The following USP31 variants were observed in gnomAD, a reference collection of about 807,000 sequenced individuals.
The protein encoded by USP31 is ubiquitin carboxyl-terminal hydrolase 31.
A neutral mutation model predicts 119.4 loss-of-function variants in USP31; 44 were observed. That is an observed-to-expected ratio of 0.37 (90% CI 0.29 to 0.47). USP31 has a LOEUF of 0.47. Ranked by LOEUF, USP31 falls within the 20% of genes least tolerant of loss-of-function variation. The pLI is 0.99. For synonymous variants in USP31, 749 were observed against 705.6 expected (o/e 1.06, Z -0.97); for missense variants, 1,643 against 1,730.2 (o/e 0.95, Z 0.89).
rs368882591 is a variant in USP31 at position 23,092,447 on chromosome 16, G to A, written c.1235-1643C>T. 1.5e-4 allele frequency among the ~76,000 whole-genome samples: 23 copies of A among 152,288 alleles called. No homozygotes were observed. The East Asian group carries it at 2.1e-3, about 14-fold the overall frequency. On this transcript the variant is annotated intron_variant, in intron 6 of 15. Transcript: ENST00000219689. ...GGCCCCAGCTCCAGAGAACTTCACA[G>A]TGTGGTGGGAAGGACAGAGAAGAAA... is the stretch of plus-strand genomic sequence containing the variant.
At chr16:23,096,418 C>G (rs1315467225) in intron 6 of USP31, among the ~76,000 whole-genome samples, 3 of 152,188 alleles carry the variant, frequency 2.0e-5, no homozygotes, top group Non-Finnish European at 4.4e-5. Context: ...CCACTGTCAA[C>G]ATTAGACAGA....
At chr16:23,085,301 G>T (rs2141845904) in intron 10 of USP31, among the ~76,000 whole-genome samples, 1 of 152,168 alleles carries the variant, frequency 6.6e-6, no homozygotes, top group African/African-American at 2.4e-5. Context: ...AGAATTAATG[G>T]GCCTGTAATA....
intron 13 of USP31, among the ~76,000 whole-genome samples, chr16:23,078,310 CAAAAAAA>C (rs34288248): frequency 2.8e-5 from 2 of 71,146 alleles, no homozygotes; most frequent in East Asian, 4.9e-4. Context: ...GACTCCGTCG[CAAAAAAA>C]AAAAAAAAAA....
chr16:23,074,979 A>G lies in USP31; in HGVS notation c.2177-1099T>C, dbSNP rs188434816. 7.6e-4 allele frequency among the ~76,000 whole-genome samples: 116 copies of G among 152,314 alleles called. 2 individuals carry two copies. Among genetic ancestry groups the G allele is most frequent in the Admixed American group, 5.9e-3 (91 of 15,306 alleles). On this transcript the variant is annotated intron_variant, in intron 13 of 15. Coordinates refer to ENST00000219689, the MANE Select transcript of USP31 (RefSeq NM_020718.4). ...CAGGATGGCCCCAGGGATGGGGCAGATAAGGTCCTGAGAGGCACCAGGAGT... is the reference window on the plus strand; with the variant it reads ...CAGGATGGCCCCAGGGATGGGGCAGGTAAGGTCCTGAGAGGCACCAGGAGT...
chr16:23,068,526 C>A lies in USP31; in HGVS notation c.3579G>T (p.Gly1193=). 2 of 1,613,910 alleles carry A rather than the reference C, an allele frequency of 1.2e-6. No individual in the cohort carries two copies. The highest frequency in any genetic ancestry group is 1.7e-6 in the Non-Finnish European group (2 of 1,179,942). The change falls in exon 16 of 16, where the codon GGG becomes GGT. Residue 1193 remains glycine, a synonymous_variant. Coordinates refer to ENST00000219689, the MANE Select transcript of USP31 (RefSeq NM_020718.4). ...QARAGEGRGA[G]KHVRSSSMAS... is the part of the protein sequence containing the mutation. ...CCATGGAGGAGCTCCGCACGTGCTT[C>A]CCGGCCCCCCTGCCCTCCCCTGCTC...
chr16:23,109,569 T>C (rs1329071390), intron 1 of USP31, among the ~76,000 whole-genome samples: 1 of 152,138 alleles, frequency 6.6e-6, no homozygotes, highest in African/African-American at 2.4e-5. Context: ...CCCCTACACC[T>C]TGAATGTGGC....
intron 13 of USP31, among the ~76,000 whole-genome samples, chr16:23,075,883 C>T (rs1596686291): frequency 1.3e-5 from 2 of 152,114 alleles, no homozygotes; most frequent in South Asian, 4.1e-4. Flanking sequence ...ATATGGAGTT[C>T]GAGACCAGTC....
rs191979737 is a variant in USP31, at chr16:23,099,621, G to C, written c.1234+2698C>G. Reference sequence around the variant, plus strand: ...TTATGGGGTAAATCTTTATGACTTTGGATTTGATAAAGTGTCAGACATGAC... The same window carrying C: ...TTATGGGGTAAATCTTTATGACTTTCGATTTGATAAAGTGTCAGACATGAC... On this transcript the variant is annotated intron_variant, in intron 6 of 15. Transcript: ENST00000219689. 1.3e-3 allele frequency among the ~76,000 whole-genome samples: 202 copies of C among 152,112 alleles called. 1 individual carries two copies. The highest frequency in any genetic ancestry group is 2.0e-3 in the Admixed American group (31 of 15,280).
At chr16:23,086,201 T>C (rs1901100947) in intron 9 of USP31, among the ~76,000 whole-genome samples, 1 of 152,176 alleles carries the variant, frequency 6.6e-6, no homozygotes. Context: ...ATCTTGTTTG[T>C]TATGCAATAT....
chr16:23,087,294 C>CA, intron 8 of USP31, 108 bp from the exon 9 acceptor site: 2 of 890,568 alleles, frequency 2.2e-6, no homozygotes, highest in South Asian at 1.7e-5. Context: ...GTTTATTCTG[C>CA]AAAATGCTTC....
At chr16:23,084,770 C>G (rs1901020959) in intron 11 of USP31, 90 bp downstream of exon 11, 1 of 1,556,806 alleles carries the variant, frequency 6.4e-7, no homozygotes, top group Admixed American at 1.8e-5. Flanking sequence ...GCGGCGACTT[C>G]TGGGGCGTGA....
chr16:23,144,033 T>C (rs948047986), intron 1 of USP31, among the ~76,000 whole-genome samples: 1 of 152,180 alleles, frequency 6.6e-6, no homozygotes, highest in Non-Finnish European at 1.5e-5. Context: ...AAGGTTGAGC[T>C]AGTCAACTCA....
chr16:23,073,600 A>G, intron 14 of USP31, 122 bp downstream of exon 14: 1 of 1,224,794 alleles, frequency 8.2e-7, no homozygotes, highest in Admixed American at 2.7e-5. Context: ...ATTAAATGGA[A>G]ACGTAAGGAT....
rs1163303228 is a variant in USP31, at chr16:23,073,816, C to G, written c.2241G>C (p.Leu747=). ...YCFDDSDVQQ[L]SEDEVCTQTA... ...TCTGCGTGCAGACCTCATCTTCTGA[C>G]AGCTGCTGCACATCGCTGTCATCGA... The change falls in exon 14 of 16, where the codon CTG becomes CTC. Residue 747 remains leucine, a synonymous_variant. Coordinates refer to ENST00000219689, the MANE Select transcript of USP31 (RefSeq NM_020718.4). The G allele has an allele frequency of 6.2e-7, 1 of 1,614,052 alleles. No individual in the cohort carries two copies. Among genetic ancestry groups the G allele is most frequent in the Non-Finnish European group, 8.5e-7 (1 of 1,180,050 alleles).
At chr16:23,145,506 G>T (rs1007585737) in intron 1 of USP31, among the ~76,000 whole-genome samples, 1 of 152,142 alleles carries the variant, frequency 6.6e-6, no homozygotes, top group Admixed American at 6.5e-5. Context: ...ACAGCCAATT[G>T]ACATGGTTAT....
intron 1 of USP31, among the ~76,000 whole-genome samples, chr16:23,114,296 A>G (rs1567240840): frequency 6.6e-6 from 1 of 151,940 alleles, no homozygotes; most frequent in Non-Finnish European, 1.5e-5. Flanking sequence ...TATTTTGTAA[A>G]GAAAGTAGAG....
Position 23,087,137 on chromosome 16 carries a change from A to G in USP31, c.1577T>C (p.Leu526Ser). 1 of 1,613,920 alleles carries G rather than the reference A, an allele frequency of 6.2e-7. No individual in the cohort carries two copies. The highest frequency in any genetic ancestry group is 8.5e-7 in the Non-Finnish European group (1 of 1,179,922). The change falls in exon 9 of 16, where the codon TTG becomes TCG. Residue 526 changes from leucine (L) to serine (S), a missense_variant. This residue lies in a region of USP31 where 219 missense variants were observed against 226.4 expected (regional missense o/e 0.97). Transcript: ENST00000219689. ...RVVSVVGITY[L>S]LPQEEQPLCH... is the part of the protein sequence containing the mutation. Reference sequence around the variant, plus strand: ...CAAGGGCTGCTCCTCCTGGGGCAGCAAATATGTTATTCCAACAACACTGAC... The same window carrying G: ...CAAGGGCTGCTCCTCCTGGGGCAGCGAATATGTTATTCCAACAACACTGAC...
intron 1 of USP31, among the ~76,000 whole-genome samples, chr16:23,122,309 G>T (rs1174376468): frequency 6.6e-6 from 1 of 152,148 alleles, no homozygotes; most frequent in Admixed American, 6.5e-5. Flanking sequence ...AAAGACAGAC[G>T]TTAACAAGTG....
Position 23,149,221 on chromosome 16 carries a change from C to A in USP31, c.50G>T (p.Gly17Val), listed in dbSNP as rs1384357296. The A allele has an allele frequency of 3.5e-6, 4 of 1,133,580 alleles. No homozygotes were observed. The highest frequency in any genetic ancestry group is 1.0e-4 in the Admixed American group (2 of 19,572). 70.2% of individuals were successfully genotyped at this position (1,133,580 alleles called of 1,614,324 possible). A position where few individuals can be genotyped will look rare whatever the true frequency, so the allele number is the denominator to read the frequency against. The change falls in exon 1 of 16, where the codon GGG (glycine) becomes GTG (valine). Residue 17 changes from glycine to valine, a missense_variant. Transcript: ENST00000219689. The part of the protein sequence containing the change: ...PGSGPPAAAS[G>V]KEKRSFSKRL... ...CTTGCTGAAGGAGCGCTTCTCCTTC[C>A]CGCTCGCCGCCGCCGGCGGCCCGGA...
Sources: allele counts gnomAD v4.1 joint callset (sites outside exome capture counted in the v4.1 genomes callset), GRCh38; gene constraint gnomAD v4.1.1; regional missense constraint gnomAD v4.1.1; transcripts MANE v1.5; gene names NCBI Gene and HGNC (gene_info 2026-07-23, HGNC 2026-07-21).